NUBPL: variants seen among roughly 807,000 people sequenced by gnomAD.
NUBPL encodes iron-sulfur cluster transfer protein NUBPL.
NUBPL carries 31 observed loss-of-function variants against 45.7 expected under a neutral mutation model. The observed-to-expected ratio is 0.68, with a 90% confidence interval of 0.51 to 0.92. The LOEUF (loss-of-function observed/expected upper bound fraction) is 0.92, where lower values mean the gene tolerates loss of function less well. Among genes scored for constraint, NUBPL ranks in the 40% least tolerant of loss-of-function variants. The pLI, the probability that NUBPL is intolerant of heterozygous loss-of-function variation, is 0.00. For synonymous variants in NUBPL, 144 were observed against 140.9 expected (o/e 1.02, Z -0.15); for missense variants, 401 against 398.7 (o/e 1.01, Z -0.05).
chr14:31,669,990 T>C (rs1448892150), intron 4 of NUBPL, among the ~76,000 whole-genome samples: 1 of 152,080 alleles, frequency 6.6e-6, no homozygotes, highest in Non-Finnish European at 1.5e-5. Context: ...CCTCTGGGTA[T>C]ATGCCCAGTA....
At chr14:31,767,150 T>C (rs2038928660) in intron 6 of NUBPL, among the ~76,000 whole-genome samples, 1 of 152,110 alleles carries the variant, frequency 6.6e-6, no homozygotes, top group Non-Finnish European at 1.5e-5. Context: ...TCAAATCTCT[T>C]GTTATTAGAT....
intron 4 of NUBPL, among the ~76,000 whole-genome samples, chr14:31,641,160 C>T (rs1227083874): frequency 6.6e-6 from 1 of 152,136 alleles, no homozygotes; most frequent in African/African-American, 2.4e-5. Context: ...CCATGTTGGC[C>T]AGGATGGTCT....
chr14:31,690,997 T>C (rs2037079686), intron 6 of NUBPL, among the ~76,000 whole-genome samples: 1 of 152,218 alleles, frequency 6.6e-6, no homozygotes. Context: ...ACTTCTATGA[T>C]GCGGGCACTG....
intron 6 of NUBPL, among the ~76,000 whole-genome samples, chr14:31,783,925 C>G (rs934095470): frequency 2.0e-5 from 3 of 152,328 alleles, no homozygotes; most frequent in Non-Finnish European, 2.9e-5. Context: ...ATTTGATGTT[C>G]TCTGAAACCC....
At chr14:31,851,235 CT>C (rs10611566) in intron 10 of NUBPL, among the ~76,000 whole-genome samples, 577 of 139,014 alleles carry the variant, frequency 4.2e-3, no homozygotes, top group African/African-American at 0.01. Context: ...AATAGTTTTT[CT>C]TTTTTTTTTT....
chr14:31,719,324 A>G (rs1031707045), intron 6 of NUBPL, among the ~76,000 whole-genome samples: 3 of 152,222 alleles, frequency 2.0e-5, no homozygotes, highest in African/African-American at 7.2e-5. Context: ...AAAAAATCAT[A>G]AGTTGAGCCA....
At chr14:31,655,797 A>G (rs2036127389) in intron 4 of NUBPL, among the ~76,000 whole-genome samples, 1 of 152,214 alleles carries the variant, frequency 6.6e-6, no homozygotes, top group Non-Finnish European at 1.5e-5. Context: ...TAGATTTAGC[A>G]TAATTTTTGA....
chr14:31,611,803 A>C (rs571942927), intron 4 of NUBPL, among the ~76,000 whole-genome samples: 2 of 152,356 alleles, frequency 1.3e-5, no homozygotes, highest in South Asian at 4.1e-4. Flanking sequence ...CAAAGTTTCC[A>C]AGAGCATACA....
chr14:31,666,263 A>ATATATATATATATATTTATT, intron 4 of NUBPL, among the ~76,000 whole-genome samples: 1,420 of 111,120 alleles, frequency 0.013, 176 homozygotes, highest in Middle Eastern at 0.024. Flanking sequence ...ATATATATAT[A>ATATATATATATATATTTATT]ATTTTATTTT....
intron 6 of NUBPL, among the ~76,000 whole-genome samples, chr14:31,684,315 T>C (rs920206630): frequency 2.6e-5 from 4 of 152,090 alleles, no homozygotes; most frequent in Non-Finnish European, 5.9e-5. Context: ...CTGGGTATAC[T>C]TTTTTTTCAC....
chr14:31,857,697 A>G (rs1437286315), intron 10 of NUBPL, among the ~76,000 whole-genome samples: 2 of 152,204 alleles, frequency 1.3e-5, no homozygotes, highest in Non-Finnish European at 2.9e-5. Flanking sequence ...AGTCTCTTTG[A>G]TAAAACATAA....
At chr14:31,820,144 AAAAAAAAAAG>A (rs1342946646) in intron 7 of NUBPL, among the ~76,000 whole-genome samples, 2 of 64,688 alleles carry the variant, frequency 3.1e-5, no homozygotes, top group South Asian at 6.5e-4. Flanking sequence ...CATCTCAAAA[AAAAAAAAAAG>A]AAAAAGAAAA....
At chr14:31,852,950 G>A (rs148849763) in intron 10 of NUBPL, among the ~76,000 whole-genome samples, 3 of 152,316 alleles carry the variant, frequency 2.0e-5, no homozygotes, top group East Asian at 3.9e-4. Context: ...CTGCCTGCAT[G>A]TCTTCATTTA....
At chr14:31,613,480 C>T (rs916598764) in intron 4 of NUBPL, among the ~76,000 whole-genome samples, 7 of 150,840 alleles carry the variant, frequency 4.6e-5, no homozygotes, top group Non-Finnish European at 8.9e-5. Flanking sequence ...GAGGTGGAGT[C>T]TCGCTCCTTA....
chr14:31,673,511 A>C lies in NUBPL; in HGVS notation c.450A>C (p.Glu150Asp). Residue 150 changes from glutamate to aspartate, a missense_variant, in exon 6 of 11, where the codon GAA becomes GAC. Glu to Asp is a conservative substitution (Grantham distance 45, BLOSUM62 2). Transcript: ENST00000281081. ...TGTCTATGGGCTTTCTGGTTGAAGA[A>C]AGTGAACCAGTAGTTTGGAGAGGCC... ...ACMSMGFLVE[E>D]SEPVVWRGLM... 6.2e-7 allele frequency: 1 copy of C among 1,613,936 alleles called. No homozygotes were observed. Among genetic ancestry groups the C allele is most frequent in the Non-Finnish European group, 8.5e-7 (1 of 1,179,906 alleles).
chr14:31,740,193 T>C (rs10083308), intron 6 of NUBPL, among the ~76,000 whole-genome samples: 69,119 of 151,974 alleles, frequency 0.45, 16,829 homozygotes, highest in African/African-American at 0.64. Flanking sequence ...TACTGGATCA[T>C]ATGGTAAGAG....
At chr14:31,670,954 G>T (rs1366483356) in intron 4 of NUBPL, among the ~76,000 whole-genome samples, 5 of 152,002 alleles carry the variant, frequency 3.3e-5, no homozygotes. Context: ...TGGCTGTTTG[G>T]GCTATTTTTT....
intron 6 of NUBPL, among the ~76,000 whole-genome samples, chr14:31,711,575 C>G (rs1199992478): frequency 2.6e-5 from 4 of 152,082 alleles, no homozygotes; most frequent in Non-Finnish European, 5.9e-5. Flanking sequence ...CTTGGTCTCG[C>G]AGACTTCAAG....
chr14:31,653,318 T>C (rs1462689156), intron 4 of NUBPL, among the ~76,000 whole-genome samples: 1 of 152,068 alleles, frequency 6.6e-6, no homozygotes, highest in Non-Finnish European at 1.5e-5. Context: ...AGCCTGAGAG[T>C]ACTGCAGGAG....
Sources: allele counts gnomAD v4.1 joint callset (sites outside exome capture counted in the v4.1 genomes callset), GRCh38; gene constraint gnomAD v4.1.1; transcripts MANE v1.5; gene names NCBI Gene and HGNC (gene_info 2026-07-23, HGNC 2026-07-21).